The following PTH1R variants were observed in gnomAD, a reference collection of about 807,000 sequenced individuals.
PTH1R encodes the protein parathyroid hormone 1 receptor.
In PTH1R, 32 loss-of-function variants were observed where a neutral mutation model predicts 70.7. The ratio of observed to expected loss-of-function variants is 0.45; its 90% CI spans 0.34 to 0.61. PTH1R has a LOEUF of 0.61. Ranked by LOEUF, PTH1R falls within the 20% of genes least tolerant of loss-of-function variation. The pLI, the probability that PTH1R is intolerant of heterozygous loss-of-function variation, is 0.01. For missense variants in PTH1R, 626 were observed against 792.5 expected (o/e 0.79, Z 2.52); for synonymous variants, 329 against 324.8 (o/e 1.01, Z -0.14).
chr3:46,897,765 C>A, intron 5 of PTH1R, 90 bp from the exon 6 acceptor site: 1 of 1,204,806 alleles, frequency 8.3e-7, no homozygotes, highest in Non-Finnish European at 1.2e-6. Context: ...CAAAAACAAA[C>A]AAACCACAGA....
chr3:46,890,564 C>T (rs148174751), intron 3 of PTH1R, among the ~76,000 whole-genome samples: 3,534 of 135,688 alleles, frequency 0.026, 84 homozygotes, highest in Non-Finnish European at 0.025. Context: ...AGTGCAATGG[C>T]GCGATCTCGG....
At chr3:46,894,645 A>AC (rs1340518418) in intron 4 of PTH1R, among the ~76,000 whole-genome samples, 1 of 151,742 alleles carries the variant, frequency 6.6e-6, no homozygotes, top group Non-Finnish European at 1.5e-5. Flanking sequence ...TTCCTACTGT[A>AC]CCCCACCCTG....
At position 46,893,970 on chromosome 3, in the gene PTH1R, C is replaced by G. The variant is rs138009937; in HGVS notation, c.139C>G (p.Gln47Glu). 3 of 1,614,024 alleles carry G rather than the reference C, an allele frequency of 1.9e-6. No individual in the cohort carries two copies. The highest frequency in any genetic ancestry group is 1.3e-5 in the African/African-American group (1 of 74,918). ...QIFLLHRAQA[Q>E]CEKRLKEVLQ... The stretch of plus-strand genomic sequence containing the variant: ...CTTCCTGCTGCACCGTGCTCAGGCC[C>G]AGTGCGAAAAACGGCTCAAGGAGGT... Residue 47 changes from glutamine (Q) to glutamate (E), a missense_variant, in exon 4 of 16, where the codon CAG (glutamine) becomes GAG (glutamate). Gln to Glu is a conservative substitution (Grantham distance 29). This residue lies in a region of PTH1R where 123 missense variants were observed against 125.7 expected (regional missense o/e 0.98). Transcript: ENST00000449590. The surrounding 1 kb of genome is among the most constrained non-coding windows in gnomAD (Gnocchi z 5.2).
intron 4 of PTH1R, 91 bp downstream of exon 4, chr3:46,894,100 G>A: frequency 7.3e-7 from 1 of 1,361,078 alleles, no homozygotes; most frequent in South Asian, 1.2e-5. Flanking sequence ...CCAGGTGAAG[G>A]CTCTCTGTGG....
intron 4 of PTH1R, 128 bp from the exon 5 acceptor site, chr3:46,895,607 G>C (rs2031703678): frequency 1.4e-6 from 2 of 1,425,258 alleles, no homozygotes; most frequent in African/African-American, 1.4e-5. Context: ...TCTCCCAACA[G>C]CCTAGGTGTC....
At chr3:46,885,740 T>C (rs2030977460) in intron 3 of PTH1R, among the ~76,000 whole-genome samples, 1 of 152,150 alleles carries the variant, frequency 6.6e-6, no homozygotes. Context: ...GGGGGCAGCC[T>C]ACTCACCCAT....
In PTH1R at chr3:46,901,028, T is replaced by A; in HGVS notation, c.992T>A (p.Leu331Gln). ...LWGFTVFGWG[L>Q]PAVFVAVWVS... ...CTGTCCCCCTCTGTGCCCACAGGTC[T>A]GCCCGCTGTCTTCGTGGCTGTGTGG... The change falls in exon 11 of 16, where the codon CTG becomes CAG. Residue 331 changes from leucine to glutamine, a missense_variant. This residue lies in a region of PTH1R where 495 missense variants were observed against 638.7 expected (regional missense o/e 0.77). Coordinates refer to ENST00000449590, the MANE Select transcript of PTH1R (RefSeq NM_000316.3). This position sits in a 1 kb window ranked among gnomAD's most constrained non-coding sequence, Gnocchi z 7.3. The A allele has an allele frequency of 6.3e-7, 1 of 1,582,426 alleles. No homozygotes were observed.
rs201864115 is a variant in PTH1R, at chr3:46,903,667, G to C, written c.*11G>C. The C allele has an allele frequency of 6.8e-6, 11 of 1,606,126 alleles. No homozygotes were observed. The African/African-American group carries it at 1.5e-4, about 21-fold the overall frequency. On this transcript the variant is annotated 3_prime_UTR_variant, in exon 16 of 16. Transcript: ENST00000449590. This position sits in a 1 kb window ranked among gnomAD's most constrained non-coding sequence, Gnocchi z 4.4. The stretch of plus-strand genomic sequence containing the variant: ...GAGACAGTCATGTGACCAGGCGCTG[G>C]GGGCTGGACCTGCTGACATAGTGGA...
rs2031508572 is a variant in PTH1R, at chr3:46,892,793, C to A, written c.76-1114C>A. 7 of 985,682 alleles carry A rather than the reference C, an allele frequency of 7.1e-6. No individual in the cohort carries two copies. Among genetic ancestry groups the A allele is most frequent in the Non-Finnish European group, 7.2e-6 (6 of 830,204 alleles). 61.1% of individuals were successfully genotyped at this position (985,682 alleles called of 1,614,324 possible). ...TGAAGGATGCAGCTCTGCCGCGGAG[C>A]TGAGGAGACGTAGCCTTCTGGGGTA... On this transcript the variant is annotated intron_variant, in intron 3 of 15. Transcript: ENST00000449590. This position sits in a 1 kb window ranked among gnomAD's most constrained non-coding sequence, Gnocchi z 5.2.
chr3:46,879,523 G>A lies in PTH1R; in HGVS notation c.-105-1539G>A, dbSNP rs545669660. ...TTTGGGAGGCCGAGGCAGGAGGACTGCTTGAGCCCAAGAGTTGGAGACCAG... is the reference window on the plus strand; with the variant it reads ...TTTGGGAGGCCGAGGCAGGAGGACTACTTGAGCCCAAGAGTTGGAGACCAG... On this transcript the variant is annotated intron_variant, in intron 1 of 15. Coordinates refer to ENST00000449590, the MANE Select transcript of PTH1R (RefSeq NM_000316.3). This position sits in a 1 kb window ranked among gnomAD's most constrained non-coding sequence, Gnocchi z 4.7. Among the ~76,000 whole-genome samples, 38 of 151,878 alleles carry A rather than the reference G, an allele frequency of 2.5e-4. No homozygotes were observed. Among genetic ancestry groups the A allele is most frequent in the African/African-American group, 8.5e-4 (35 of 41,400 alleles).
chr3:46,900,915 A>G (rs1245741549), intron 10 of PTH1R, 110 bp from the exon 11 acceptor site: 5 of 1,208,872 alleles, frequency 4.1e-6, no homozygotes, highest in Non-Finnish European at 1.2e-6. Flanking sequence ...GCCCAGTGTC[A>G]GGGGTTCAGG....
At position 46,898,477 on chromosome 3, in the gene PTH1R, G is replaced by A. The variant is rs2031896155; in HGVS notation, c.638+5G>A. On this transcript the variant is annotated splice_donor_5th_base_variant and intron_variant, in intron 8 of 15. Transcript: ENST00000449590. The stretch of plus-strand genomic sequence containing the variant: ...GCTCATCCTGGCCTACTTTAGGTGG[G>A]CGGGGCGGGGCGAGAGGCGGCGGGA... 1 of 1,613,128 alleles carries A rather than the reference G, an allele frequency of 6.2e-7. No homozygotes were observed. Among genetic ancestry groups the A allele is most frequent in the South Asian group, 1.1e-5 (1 of 91,068 alleles).
chr3:46,897,558 C>G (rs926089228), intron 5 of PTH1R, among the ~76,000 whole-genome samples: 2 of 152,014 alleles, frequency 1.3e-5, no homozygotes, highest in Admixed American at 6.6e-5. Context: ...ATGGAGAAAC[C>G]CCATCTCTAC....
chr3:46,902,655 C>T lies in PTH1R; in HGVS notation c.1341C>T (p.Phe447=). ...TCCAGATGCACTATGAGATGCTCTT[C>T]AACTCCTTCCAGGTGCGCAGTGCTG... ...WQVQMHYEML[F]NSFQGFFVAI... Residue 447 remains phenylalanine, a synonymous_variant, in exon 14 of 16, where the codon TTC becomes TTT. Transcript: ENST00000449590. The surrounding 1 kb of genome is among the most constrained non-coding windows in gnomAD (Gnocchi z 5.4). The T allele has an allele frequency of 6.2e-7, 1 of 1,614,084 alleles. No homozygotes were observed. The highest frequency in any genetic ancestry group is 1.3e-5 in the African/African-American group (1 of 75,026).
rs551680850 is a variant in PTH1R, at chr3:46,879,759, A to T, written c.-105-1303A>T. 6.6e-6 allele frequency among the ~76,000 whole-genome samples: 1 copy of T among 151,192 alleles called. No individual in the cohort carries two copies. Among genetic ancestry groups the T allele is most frequent in the Non-Finnish European group, 1.5e-5 (1 of 67,770 alleles). The stretch of plus-strand genomic sequence containing the variant: ...AAGACCCTGTCTGGGGAAAAAAAAA[A>T]TGCTGCGTGTGGTGGCTCACGCTTG... On this transcript the variant is annotated intron_variant, in intron 1 of 15. Coordinates refer to ENST00000449590, the MANE Select transcript of PTH1R (RefSeq NM_000316.3). This position sits in a 1 kb window ranked among gnomAD's most constrained non-coding sequence, Gnocchi z 4.7.
chr3:46,893,854 AC>A lies in PTH1R; in HGVS notation c.76-51del. 6.4e-7 allele frequency: 1 copy of A among 1,554,524 alleles called. No homozygotes were observed. Among genetic ancestry groups the A allele is most frequent in the Non-Finnish European group, 8.8e-7 (1 of 1,131,502 alleles). On this transcript the variant is annotated intron_variant, in intron 3 of 15. Transcript: ENST00000449590. This position sits in a 1 kb window ranked among gnomAD's most constrained non-coding sequence, Gnocchi z 5.2. ...TCTGGGAAATTGGGATGTCTCTGGG[AC>A]CTGCTGCTGCGCCGGAAAGTCCTGC...
intron 4 of PTH1R, 98 bp from the exon 5 acceptor site, chr3:46,895,637 C>G: frequency 6.3e-7 from 1 of 1,586,522 alleles, no homozygotes. Flanking sequence ...GGAGACAACC[C>G]CCCCATTGTA....
chr3:46,887,584 G>A (rs1043715884), intron 3 of PTH1R, among the ~76,000 whole-genome samples: 1 of 152,094 alleles, frequency 6.6e-6, no homozygotes, highest in African/African-American at 2.4e-5. Flanking sequence ...GTAGAGGGGC[G>A]TTCTCCTTCC....
rs1451177211 is a variant in PTH1R at position 46,902,279 on chromosome 3, G to T, written c.1212-247G>T. Among the ~76,000 whole-genome samples the T allele has an allele frequency of 6.6e-6, 1 of 152,158 alleles. No individual in the cohort carries two copies. Among genetic ancestry groups the T allele is most frequent in the Non-Finnish European group, 1.5e-5 (1 of 68,024 alleles). On this transcript the variant is annotated intron_variant, in intron 13 of 15. Transcript: ENST00000449590. The surrounding 1 kb of genome is among the most constrained non-coding windows in gnomAD (Gnocchi z 5.4). Reference sequence around the variant, plus strand: ...TGCCAGCTGAGGGCTCCACAGGTGCGAAGGGCCCAGGGACAGGGGGACTGT... The same window carrying T: ...TGCCAGCTGAGGGCTCCACAGGTGCTAAGGGCCCAGGGACAGGGGGACTGT...
Sources: allele counts gnomAD v4.1 joint callset (sites outside exome capture counted in the v4.1 genomes callset), GRCh38; gene constraint gnomAD v4.1.1; regional missense constraint gnomAD v4.1.1; non-coding constraint Gnocchi (gnomAD v3.1); transcripts MANE v1.5; gene names NCBI Gene and HGNC (gene_info 2026-07-23, HGNC 2026-07-21).